Variants in SCN8A observed in about 807,000 individuals in gnomAD.
The protein encoded by SCN8A is sodium voltage-gated channel alpha subunit 8.
In SCN8A, 30 loss-of-function variants were observed where a neutral mutation model predicts 184.1. That is an observed-to-expected ratio of 0.16 (90% CI 0.12 to 0.22). The LOEUF (loss-of-function observed/expected upper bound fraction) is 0.22, where lower values mean the gene tolerates loss of function less well. Among genes scored for constraint, SCN8A ranks in the 10% least tolerant of loss-of-function variants. The pLI, the probability that SCN8A is intolerant of heterozygous loss-of-function variation, is 1.00. For synonymous variants in SCN8A, 852 were observed against 907.0 expected (o/e 0.94, Z 1.09); for missense variants, 1,057 against 2,498.9 (o/e 0.42, Z 12.30).
intron 1 of SCN8A, among the ~76,000 whole-genome samples, chr12:51,598,422 C>G (rs1482934906): frequency 6.6e-6 from 1 of 152,096 alleles, no homozygotes; most frequent in East Asian, 1.9e-4. Context: ...TTATTCTTAG[C>G]TCTGCTAGAA....
intron 26 of SCN8A, among the ~76,000 whole-genome samples, chr12:51,799,433 C>T (rs1938496404): frequency 6.6e-6 from 1 of 152,202 alleles, no homozygotes; most frequent in Admixed American, 6.5e-5. Flanking sequence ...AGCCCAGTAA[C>T]AGGCCAAGAG....
At chr12:51,607,993 A>G (rs1041558056) in intron 1 of SCN8A, among the ~76,000 whole-genome samples, 1 of 151,312 alleles carries the variant, frequency 6.6e-6, no homozygotes, top group African/African-American at 2.4e-5. Flanking sequence ...AATAGTGTCA[A>G]AAGGATTGGT....
chr12:51,691,109 C>T (rs1015455602), intron 6 of SCN8A, among the ~76,000 whole-genome samples: 1 of 152,078 alleles, frequency 6.6e-6, no homozygotes, highest in Non-Finnish European at 1.5e-5. Flanking sequence ...CTTTACTTTC[C>T]TTTTTCCTAT....
intron 11 of SCN8A, chr12:51,713,683 G>A: frequency 4.0e-6 from 2 of 500,270 alleles, no homozygotes; most frequent in South Asian, 3.4e-5. Flanking sequence ...TAAGGCTCAG[G>A]GCAGTTTATA....
rs1938695773 is a variant in SCN8A, at chr12:51,806,123, C to CTTTTTGAG, written c.4796-159_4796-158insTTTTTGAG. Reference sequence around the variant, plus strand: ...GATTACAGGCGTGAGCCCCCATGCCCAGCCAAAATGTCACTTTTTGAGAGT... The same window carrying CTTTTTGAG: ...GATTACAGGCGTGAGCCCCCATGCCCTTTTTGAGAGCCAAAATGTCACTTTTTGAGAGT... On this transcript the variant is annotated intron_variant, in intron 26 of 26. Coordinates refer to ENST00000627620, the MANE Select transcript of SCN8A (RefSeq NM_001330260.2). The surrounding 1 kb of genome is among the most constrained non-coding windows in gnomAD (Gnocchi z 8.7). Among the ~76,000 whole-genome samples, 1 of 152,210 alleles carries CTTTTTGAG rather than the reference C, an allele frequency of 6.6e-6. No homozygotes were observed. Among genetic ancestry groups the CTTTTTGAG allele is most frequent in the Non-Finnish European group, 1.5e-5 (1 of 68,030 alleles).
At chr12:51,752,513 C>T (rs1942611682) in intron 14 of SCN8A, among the ~76,000 whole-genome samples, 1 of 152,180 alleles carries the variant, frequency 6.6e-6, no homozygotes, top group Non-Finnish European at 1.5e-5. Flanking sequence ...ATTTCTCATT[C>T]TCAAAACACA....
chr12:51,780,795 C>T (rs771357117), intron 21 of SCN8A, 24 bp downstream of exon 21: 61 of 1,559,816 alleles, frequency 3.9e-5, no homozygotes, highest in Non-Finnish European at 5.1e-5. Flanking sequence ...AGCAGCTGAT[C>T]CTTCTGCATG....
chr12:51,734,701 TG>T (rs1185577075), intron 12 of SCN8A, among the ~76,000 whole-genome samples: 1 of 152,240 alleles, frequency 6.6e-6, no homozygotes, highest in African/African-American at 2.4e-5. Flanking sequence ...TTGGGGGGCT[TG>T]CTCCCAACGT....
rs369145855 is a variant in SCN8A at position 51,789,271 on chromosome 12, C to T, written c.4282-10C>T. ...GCTGATTCTCTTCCTTTTATCCTGTCCTTTGACAGCCTGATGAGCAGCCTA... is the reference window on the plus strand; with the variant it reads ...GCTGATTCTCTTCCTTTTATCCTGTTCTTTGACAGCCTGATGAGCAGCCTA... On this transcript the variant is annotated splice_polypyrimidine_tract_variant and intron_variant, in intron 23 of 26. Coordinates refer to ENST00000627620, the MANE Select transcript of SCN8A (RefSeq NM_001330260.2). 1.2e-5 allele frequency: 20 copies of T among 1,613,588 alleles called. No individual in the cohort carries two copies. The African/African-American group carries it at 1.9e-4, about 15-fold the overall frequency.
At chr12:51,730,909 C>T (rs144683397) in intron 12 of SCN8A, among the ~76,000 whole-genome samples, 120 of 152,308 alleles carry the variant, frequency 7.9e-4, no homozygotes, top group Non-Finnish European at 1.5e-3. Context: ...TTTCTATCCT[C>T]AGGAGTTCAA....
intron 11 of SCN8A, among the ~76,000 whole-genome samples, 191 bp from the exon 12 acceptor site, chr12:51,721,355 A>G (rs1942057261): frequency 6.6e-6 from 1 of 152,002 alleles, no homozygotes; most frequent in South Asian, 2.1e-4. Context: ...CTGGTCAAGC[A>G]CAGGTGAGTA....
chr12:51,620,484 T>C (rs1299455694), intron 1 of SCN8A, among the ~76,000 whole-genome samples: 2 of 152,138 alleles, frequency 1.3e-5, no homozygotes, highest in East Asian at 3.8e-4. Flanking sequence ...AATTTTTTCT[T>C]TATATAACTC....
chr12:51,741,288 C>CT (rs979087685), intron 12 of SCN8A, among the ~76,000 whole-genome samples: 3 of 152,080 alleles, frequency 2.0e-5, no homozygotes, highest in African/African-American at 7.2e-5. Flanking sequence ...TACTTCTGCT[C>CT]TTTTTTGGTT....
At chr12:51,597,597 T>C (rs1460579178) in intron 1 of SCN8A, among the ~76,000 whole-genome samples, 9 of 152,218 alleles carry the variant, frequency 5.9e-5, no homozygotes, top group Non-Finnish European at 1.2e-4. Flanking sequence ...TTACTTTTAC[T>C]TTTTAGATAA....
At chr12:51,634,449 A>C (rs1159389992) in intron 1 of SCN8A, among the ~76,000 whole-genome samples, 1 of 152,160 alleles carries the variant, frequency 6.6e-6, no homozygotes, top group East Asian at 1.9e-4. Flanking sequence ...ATTTCATGAA[A>C]CAAATCAACT....
At chr12:51,743,959 C>T (rs972368090) in intron 12 of SCN8A, among the ~76,000 whole-genome samples, 6 of 152,026 alleles carry the variant, frequency 3.9e-5, no homozygotes, top group Non-Finnish European at 8.8e-5. Context: ...ATGTGTTGTT[C>T]GCCACTGTAT....
At chr12:51,773,104 G>A (rs1592154160) in intron 19 of SCN8A, among the ~76,000 whole-genome samples, 1 of 151,136 alleles carries the variant, frequency 6.6e-6, no homozygotes, top group African/African-American at 2.4e-5. Flanking sequence ...GCAACTGAGC[G>A]AGACTCCGTC....
intron 25 of SCN8A, among the ~76,000 whole-genome samples, chr12:51,792,260 C>T (rs1022830558): frequency 4.0e-5 from 6 of 148,354 alleles, no homozygotes; most frequent in African/African-American, 7.5e-5. Context: ...GCAGGCAGAT[C>T]GCTTGAGCCT....
intron 22 of SCN8A, among the ~76,000 whole-genome samples, chr12:51,787,649 A>C (rs1035929560): frequency 6.6e-6 from 1 of 152,248 alleles, no homozygotes; most frequent in African/African-American, 2.4e-5. Context: ...GCATATAACC[A>C]TGCTTAATTA....
Sources: gnomAD v4.1 joint callset for allele counts (sites outside exome capture counted in the v4.1 genomes callset) on GRCh38, gnomAD v4.1.1 for gene constraint, Gnocchi (gnomAD v3.1) non-coding constraint, MANE v1.5 for transcripts, NCBI Gene and HGNC (gene_info 2026-07-23, HGNC 2026-07-21) for gene names.